CELF2: variants seen among roughly 807,000 people sequenced by gnomAD.
The protein encoded by CELF2 is CUG triplet repeat RNA-binding protein 2.
CELF2 carries 8 observed loss-of-function variants against 62.6 expected under a neutral mutation model. That is an observed-to-expected ratio of 0.13 (90% CI 0.07 to 0.23). The LOEUF is 0.23. CELF2 is among the 10% of genes least tolerant of loss of function. The pLI, the probability that CELF2 is intolerant of heterozygous loss-of-function variation, is 1.00. For synonymous variants in CELF2, 258 were observed against 250.0 expected (o/e 1.03, Z -0.30); for missense variants, 333 against 671.0 (o/e 0.50, Z 5.56).
chr10:10,715,130 A>G, the CELF2 span, among the ~76,000 whole-genome samples: 1 of 152,226 alleles, frequency 6.6e-6, no homozygotes. Flanking sequence ...TAAGTGAGTC[A>G]ATAGCAAAGT....
the CELF2 span, among the ~76,000 whole-genome samples, chr10:10,624,155 T>A: frequency 6.6e-6 from 1 of 152,202 alleles, no homozygotes; most frequent in African/African-American, 2.4e-5. Flanking sequence ...GACAAACAGA[T>A]CCCTGTCTCC....
the CELF2 span, among the ~76,000 whole-genome samples, chr10:10,653,627 T>C: frequency 5.8e-5 from 8 of 137,038 alleles, no homozygotes; most frequent in Non-Finnish European, 1.1e-4. Flanking sequence ...ACTGGGTACA[T>C]AACGAAATGA....
chr10:10,827,117 GTTT>G (rs2057458252), intron 1 of CELF2, among the ~76,000 whole-genome samples: 2 of 152,084 alleles, frequency 1.3e-5, no homozygotes, highest in Non-Finnish European at 2.9e-5. Flanking sequence ...TTGTTTGTTT[GTTT>G]GTTTGTTTTG....
In CELF2 at chr10:11,110,782, A is replaced by G. The variant is rs1056633258; in HGVS notation, c.75-54704A>G. Among the ~76,000 whole-genome samples, 1 of 152,120 alleles carries G rather than the reference A, an allele frequency of 6.6e-6. No individual in the cohort carries two copies. Among genetic ancestry groups the G allele is most frequent in the Admixed American group, 6.5e-5 (1 of 15,284 alleles). On this transcript the variant is annotated intron_variant, in intron 1 of 12. Coordinates refer to ENST00000633077, the MANE Select transcript of CELF2 (RefSeq NM_001326342.2). The surrounding 1 kb of genome is among the most constrained non-coding windows in gnomAD (Gnocchi z 4.0). ...CCCACGGGAGGCCTCATCCGGGGGC[A>G]GTTTCTGCTTGTCAAGGAACTGCAA...
the CELF2 span, among the ~76,000 whole-genome samples, chr10:10,734,641 G>A: frequency 6.6e-6 from 1 of 152,184 alleles, no homozygotes; most frequent in African/African-American, 2.4e-5. Context: ...GAATGTGTGG[G>A]GTTATTCCAG....
chr10:10,616,823 A>C, the CELF2 span, among the ~76,000 whole-genome samples: 1 of 151,926 alleles, frequency 6.6e-6, no homozygotes, highest in Admixed American at 6.5e-5. Context: ...CCTGGGCTCA[A>C]GCGATCCTTC....
chr10:10,783,847 G>A, the CELF2 span, among the ~76,000 whole-genome samples: 3 of 152,142 alleles, frequency 2.0e-5, no homozygotes, highest in Non-Finnish European at 4.4e-5. Context: ...AAGTAGCTGG[G>A]CGTGGTGGTA....
chr10:10,689,749 C>G, the CELF2 span, among the ~76,000 whole-genome samples: 1 of 152,174 alleles, frequency 6.6e-6, no homozygotes, highest in South Asian at 2.1e-4. Flanking sequence ...ACAAAGCCCT[C>G]TATTCAGCCA....
intron 3 of CELF2, among the ~76,000 whole-genome samples, chr10:11,229,478 C>T (rs377603881): frequency 6.6e-6 from 1 of 152,146 alleles, no homozygotes; most frequent in Non-Finnish European, 1.5e-5. Flanking sequence ...AAAACCGGGG[C>T]AGTGATTCTC....
intron 1 of CELF2, among the ~76,000 whole-genome samples, chr10:11,028,588 T>A (rs1190023570): frequency 6.7e-6 from 1 of 148,926 alleles, no homozygotes; most frequent in South Asian, 2.1e-4. Context: ...CCCTGCTAAT[T>A]TTTTGTATTT....
In CELF2 at chr10:11,260,867, A is replaced by C. The variant is rs2080323666; in HGVS notation, c.538+2995A>C. Reference sequence around the variant, plus strand: ...GAATCAGTGTATTTGTTAAAAGCACAATTCTCTTTCATGCTACCATTTTGC... The same window carrying C: ...GAATCAGTGTATTTGTTAAAAGCACCATTCTCTTTCATGCTACCATTTTGC... On this transcript the variant is annotated intron_variant, in intron 5 of 12. Coordinates refer to ENST00000633077, the MANE Select transcript of CELF2 (RefSeq NM_001326342.2). The surrounding 1 kb of genome is among the most constrained non-coding windows in gnomAD (Gnocchi z 4.2). 6.6e-6 allele frequency among the ~76,000 whole-genome samples: 1 copy of C among 152,206 alleles called. No individual in the cohort carries two copies.
At chr10:11,320,807 A>T in intron 10 of CELF2, 1 of 1,506,368 alleles carries the variant, frequency 6.6e-7, no homozygotes, top group Non-Finnish European at 8.9e-7. Flanking sequence ...TACAGATGTT[A>T]CAGGCCTCTG....
At chr10:10,566,693 C>T in the CELF2 span, among the ~76,000 whole-genome samples, 1 of 151,728 alleles carries the variant, frequency 6.6e-6, no homozygotes, top group African/African-American at 2.4e-5. Flanking sequence ...AAACAGCCAC[C>T]TTTTATAAAC....
intron 3 of CELF2, among the ~76,000 whole-genome samples, chr10:11,232,114 G>A (rs1180470334): frequency 1.3e-5 from 2 of 151,968 alleles, no homozygotes; most frequent in African/African-American, 2.4e-5. Context: ...TTAACATTAG[G>A]TATATCTCCT....
the CELF2 span, among the ~76,000 whole-genome samples, chr10:10,733,446 A>AT: frequency 6.6e-6 from 1 of 152,084 alleles, no homozygotes; most frequent in Non-Finnish European, 1.5e-5. Flanking sequence ...GAAAAAAAAA[A>AT]GTGCAGAGGA....
At chr10:10,894,608 C>T (rs368376859) in intron 1 of CELF2, among the ~76,000 whole-genome samples, 3 of 152,002 alleles carry the variant, frequency 2.0e-5, no homozygotes. Context: ...AAAAGTTTGT[C>T]CAAACTTAGG....
At chr10:10,856,717 G>C (rs1488467132) in intron 1 of CELF2, among the ~76,000 whole-genome samples, 1 of 152,010 alleles carries the variant, frequency 6.6e-6, no homozygotes, top group Admixed American at 6.6e-5. Flanking sequence ...CTTTCTCAAA[G>C]GATTTACTTC....
At chr10:11,164,011 G>C (rs1466513424) in intron 1 of CELF2, among the ~76,000 whole-genome samples, 1 of 152,236 alleles carries the variant, frequency 6.6e-6, no homozygotes, top group Non-Finnish European at 1.5e-5. Context: ...AAGCTACAGG[G>C]AGATCACATC....
intron 1 of CELF2, among the ~76,000 whole-genome samples, chr10:10,829,388 T>C (rs1396130754): frequency 6.6e-6 from 1 of 152,200 alleles, no homozygotes; most frequent in Non-Finnish European, 1.5e-5. Context: ...TCCAACCTAA[T>C]TGTTAACAAG....
Sources: allele counts gnomAD v4.1 joint callset (sites outside exome capture counted in the v4.1 genomes callset), GRCh38; gene constraint gnomAD v4.1.1; non-coding constraint Gnocchi (gnomAD v3.1); transcripts MANE v1.5; gene names NCBI Gene and HGNC (gene_info 2026-07-23, HGNC 2026-07-21).